The following ADAMTS12 variants were observed in gnomAD, a reference collection of about 807,000 sequenced individuals.
ADAMTS12 encodes the protein ADAM metallopeptidase with thrombospondin type 1 motif 12.
A neutral mutation model predicts 167.8 loss-of-function variants in ADAMTS12; 118 were observed. The ratio of observed to expected loss-of-function variants is 0.70; its 90% confidence interval spans 0.61 to 0.82. The LOEUF (loss-of-function observed/expected upper bound fraction) is 0.82. Ranked by LOEUF, ADAMTS12 falls within the 40% of genes least tolerant of loss-of-function variation. The pLI, the probability that ADAMTS12 is intolerant of heterozygous loss-of-function variation, is 0.00. For missense variants in ADAMTS12, 1,916 were observed against 1,998.8 expected (o/e 0.96, Z 0.79); for synonymous variants, 704 against 716.9 (o/e 0.98, Z 0.29).
intron 18 of ADAMTS12, among the ~76,000 whole-genome samples, chr5:33,578,249 G>A (rs1178794222): frequency 6.6e-6 from 1 of 152,184 alleles, no homozygotes; most frequent in Non-Finnish European, 1.5e-5. Flanking sequence ...TCAAAGGGCT[G>A]CGCAAACATT....
chr5:33,701,595 C>T (rs1743006436), intron 3 of ADAMTS12, among the ~76,000 whole-genome samples: 1 of 152,150 alleles, frequency 6.6e-6, no homozygotes, highest in South Asian at 2.1e-4. Flanking sequence ...CTCTTCATAT[C>T]TTAAATGGTC....
intron 2 of ADAMTS12, among the ~76,000 whole-genome samples, chr5:33,812,617 T>C (rs1001625180): frequency 6.6e-6 from 1 of 152,240 alleles, no homozygotes; most frequent in Admixed American, 6.5e-5. Flanking sequence ...TAAATGGAAT[T>C]ACACAATATC....
intron 2 of ADAMTS12, among the ~76,000 whole-genome samples, chr5:33,849,737 T>C (rs1235587025): frequency 6.7e-6 from 1 of 149,892 alleles, no homozygotes; most frequent in African/African-American, 2.4e-5. Flanking sequence ...TATATATGTA[T>C]TGCATAGCAA....
At chr5:33,810,472 C>A (rs902240416) in intron 2 of ADAMTS12, among the ~76,000 whole-genome samples, 2 of 152,156 alleles carry the variant, frequency 1.3e-5, no homozygotes, top group Non-Finnish European at 2.9e-5. Context: ...CCCCATACCC[C>A]CACATACGCT....
intron 3 of ADAMTS12, among the ~76,000 whole-genome samples, chr5:33,705,333 T>C (rs1743157290): frequency 6.6e-6 from 1 of 151,586 alleles, no homozygotes; most frequent in South Asian, 2.1e-4. Context: ...TGATGGGCAC[T>C]TGGGCTGGTT....
intron 2 of ADAMTS12, among the ~76,000 whole-genome samples, chr5:33,814,294 T>C (rs62349807): frequency 0.45 from 67,807 of 152,074 alleles, 15,480 homozygotes; most frequent in Non-Finnish European, 0.47. Context: ...GGTTGAGATT[T>C]ACTTTTTTTC....
intron 5 of ADAMTS12, among the ~76,000 whole-genome samples, chr5:33,662,574 C>T (rs1318011432): frequency 6.6e-6 from 1 of 152,174 alleles, no homozygotes; most frequent in Non-Finnish European, 1.5e-5. Context: ...GGCTGCTGAC[C>T]AGTTAGGAGA....
intron 7 of ADAMTS12, among the ~76,000 whole-genome samples, chr5:33,656,198 A>G (rs189906273): frequency 6.6e-6 from 1 of 152,222 alleles, no homozygotes; most frequent in Non-Finnish European, 1.5e-5. Context: ...TACAATATCA[A>G]AGTGATTCAG....
intron 5 of ADAMTS12, among the ~76,000 whole-genome samples, chr5:33,672,156 TACTC>T (rs1446448687): frequency 1.5e-5 from 2 of 131,836 alleles, no homozygotes; most frequent in East Asian, 2.4e-4. Context: ...CACATCCACA[TACTC>T]ACATACACAC....
chr5:33,534,343 C>T (rs1398951599), intron 23 of ADAMTS12, among the ~76,000 whole-genome samples: 1 of 152,158 alleles, frequency 6.6e-6, no homozygotes, highest in African/African-American at 2.4e-5. Context: ...TTCTCCACTC[C>T]CTTAATGATC....
intron 8 of ADAMTS12, 79 bp downstream of exon 8, chr5:33,649,475 A>G (rs1740795481): frequency 1.3e-6 from 2 of 1,528,666 alleles, no homozygotes; most frequent in Non-Finnish European, 1.8e-6. Context: ...TCCAGGCATC[A>G]GCTTCTCTGT....
At chr5:33,588,570 CCA>C in intron 18 of ADAMTS12, 27 bp downstream of exon 18, 2 of 1,609,240 alleles carry the variant, frequency 1.2e-6, no homozygotes, top group Non-Finnish European at 1.7e-6. Context: ...TTGAATAATG[CCA>C]GTTTCCCCGC....
At chr5:33,603,885 T>C (rs1217468668) in intron 16 of ADAMTS12, among the ~76,000 whole-genome samples, 1 of 152,148 alleles carries the variant, frequency 6.6e-6, no homozygotes, top group Non-Finnish European at 1.5e-5. Context: ...CACACTCAAA[T>C]GTAGTCAAAC....
chr5:33,826,436 A>G (rs1748072542), intron 2 of ADAMTS12, among the ~76,000 whole-genome samples: 1 of 152,160 alleles, frequency 6.6e-6, no homozygotes, highest in African/African-American at 2.4e-5. Flanking sequence ...AAGTATTGGT[A>G]ATTCAATTTG....
intron 3 of ADAMTS12, among the ~76,000 whole-genome samples, chr5:33,742,388 A>G (rs1744621005): frequency 6.6e-6 from 1 of 151,680 alleles, no homozygotes; most frequent in Non-Finnish European, 1.5e-5. Context: ...CTGCACAGAA[A>G]TGGGACACCA....
intron 2 of ADAMTS12, among the ~76,000 whole-genome samples, chr5:33,778,816 C>T (rs1156354393): frequency 6.6e-6 from 1 of 151,928 alleles, no homozygotes; most frequent in African/African-American, 2.4e-5. Context: ...AATTTAAACT[C>T]AATAACAAGA....
At chr5:33,675,013 TTCTC>T (rs1335730441) in intron 5 of ADAMTS12, among the ~76,000 whole-genome samples, 2 of 152,290 alleles carry the variant, frequency 1.3e-5, no homozygotes, top group East Asian at 1.9e-4. Flanking sequence ...CAGCCCTATT[TTCTC>T]TCTCTGTCTT....
chr5:33,869,161 G>A (rs1344576977), intron 2 of ADAMTS12, among the ~76,000 whole-genome samples: 10 of 152,154 alleles, frequency 6.6e-5, no homozygotes, highest in African/African-American at 2.4e-4. Context: ...CTACTGCCCT[G>A]TGCAACCTTG....
At chr5:33,601,658 A>G (rs1738195580) in intron 16 of ADAMTS12, among the ~76,000 whole-genome samples, 1 of 152,182 alleles carries the variant, frequency 6.6e-6, no homozygotes, top group Non-Finnish European at 1.5e-5. Flanking sequence ...TCAAAAGAAC[A>G]TTGACATTGA....
Sources: gnomAD v4.1 joint callset for allele counts (sites outside exome capture counted in the v4.1 genomes callset) on GRCh38, gnomAD v4.1.1 for gene constraint, MANE v1.5 for transcripts, NCBI Gene and HGNC (gene_info 2026-07-23, HGNC 2026-07-21) for gene names.